Variants in ADGRA3 observed in about 807,000 individuals in gnomAD.
ADGRA3 encodes G-protein coupled receptor 125.
In ADGRA3, 56 loss-of-function variants were observed where a neutral mutation model predicts 119.8. That is an observed-to-expected ratio of 0.47 (90% CI 0.38 to 0.58). The LOEUF is 0.58. Among genes scored for constraint, ADGRA3 ranks in the 20% least tolerant of loss-of-function variants. The pLI, the probability that ADGRA3 is intolerant of heterozygous loss-of-function variation, is 0.00. For synonymous variants in ADGRA3, 607 were observed against 623.8 expected, an observed-to-expected ratio of 0.97 and a Z score of 0.40; for missense variants, 1,516 against 1,649.0, an observed-to-expected ratio of 0.92 and a Z score of 1.40.
intron 10 of ADGRA3, among the ~76,000 whole-genome samples, chr4:22,430,789 G>A (rs188585332): frequency 6.8e-4 from 66 of 96,870 alleles, no homozygotes; most frequent in African/African-American, 2.0e-3. Flanking sequence ...GGTCTTCACC[G>A]CAGCCCCTCC....
chr4:22,436,751 C>T, intron 8 of ADGRA3, 110 bp from the exon 9 acceptor site: 2 of 881,292 alleles, frequency 2.3e-6, no homozygotes, highest in Non-Finnish European at 3.6e-6. Context: ...GTCAATACAA[C>T]CCTGACACGG....
intron 1 of ADGRA3, among the ~76,000 whole-genome samples, chr4:22,498,716 C>G (rs1406247212): frequency 6.6e-6 from 1 of 152,004 alleles, no homozygotes; most frequent in Non-Finnish European, 1.5e-5. Context: ...GAGTTTGAGA[C>G]CAGCCTGACC....
At chr4:22,511,963 C>T (rs1414288012) in intron 1 of ADGRA3, among the ~76,000 whole-genome samples, 2 of 143,196 alleles carry the variant, frequency 1.4e-5, no homozygotes, top group Non-Finnish European at 3.0e-5. Flanking sequence ...GTGGCACGAT[C>T]TTCACTCACT....
At chr4:22,434,044 C>T (rs1380505584) in intron 10 of ADGRA3, among the ~76,000 whole-genome samples, 4 of 151,666 alleles carry the variant, frequency 2.6e-5, no homozygotes, top group Admixed American at 6.6e-5. Flanking sequence ...TAACTACATC[C>T]TATCAAGTAA....
chr4:22,474,363 T>G (rs1717962233), intron 1 of ADGRA3, among the ~76,000 whole-genome samples: 1 of 152,196 alleles, frequency 6.6e-6, no homozygotes, highest in African/African-American at 2.4e-5. Flanking sequence ...GCTTTTCACA[T>G]GCACTCACAG....
In ADGRA3 at chr4:22,387,755, T is replaced by C. The variant is rs568318170; in HGVS notation, c.3916A>G (p.Ser1306Gly). The C allele has an allele frequency of 5.6e-6, 9 of 1,613,958 alleles. No individual in the cohort carries two copies. Among genetic ancestry groups the C allele is most frequent in the East Asian group, 2.2e-5 (1 of 44,876 alleles). ...AATCCAGTCCTAACATTGCCAGTGC[T>C]ATCGGTACCGAGCAAGGGTCCCTCC... ...GQEGPLLGTD[S>G]TGNVRTGLWK... Residue 1306 changes from serine (S) to glycine (G), a missense_variant, in exon 19 of 19, where the codon AGC becomes GGC. By Grantham distance (56) the Ser-to-Gly change is moderately conservative. Around this residue, in one of 2 missense-constraint regions of ADGRA3, gnomAD observed 1,088 missense variants for 1,107.1 expected, o/e 0.98. Coordinates refer to ENST00000334304, the MANE Select transcript of ADGRA3 (RefSeq NM_145290.4).
chr4:22,414,024 C>T, intron 12 of ADGRA3: 2 of 422,522 alleles, frequency 4.7e-6, no homozygotes, highest in East Asian at 3.8e-5. Context: ...AACAGAAATG[C>T]AAACTTTAAA....
intron 1 of ADGRA3, among the ~76,000 whole-genome samples, chr4:22,488,356 TA>T (rs5856699): frequency 0.43 from 62,280 of 146,160 alleles, 14,389 homozygotes; most frequent in East Asian, 0.6. Flanking sequence ...TATGAAGCTT[TA>T]AAAAAAAAAA....
chr4:22,476,366 C>G (rs1718045051), intron 1 of ADGRA3, among the ~76,000 whole-genome samples: 1 of 152,070 alleles, frequency 6.6e-6, no homozygotes, highest in South Asian at 2.1e-4. Context: ...TGATGTAAAA[C>G]AGACAAAAAT....
chr4:22,435,892 C>A (rs1716373143), intron 9 of ADGRA3, among the ~76,000 whole-genome samples: 1 of 152,094 alleles, frequency 6.6e-6, no homozygotes, highest in Admixed American at 6.6e-5. Flanking sequence ...CCATGCACTG[C>A]CAGTAATGTT....
intron 1 of ADGRA3, among the ~76,000 whole-genome samples, chr4:22,476,818 C>G (rs1718061591): frequency 1.6e-5 from 2 of 127,908 alleles, no homozygotes; most frequent in African/African-American, 5.7e-5. Flanking sequence ...AAGTGCCCAC[C>G]ACCATACCCA....
chr4:22,418,210 C>G (rs1428915179), intron 12 of ADGRA3, among the ~76,000 whole-genome samples: 1 of 152,198 alleles, frequency 6.6e-6, no homozygotes, highest in Non-Finnish European at 1.5e-5. Context: ...CTGTCACCAA[C>G]TGGTGACCAA....
chr4:22,479,466 T>TAAA (rs60684476), intron 1 of ADGRA3, among the ~76,000 whole-genome samples: 3 of 111,766 alleles, frequency 2.7e-5, no homozygotes, highest in African/African-American at 6.3e-5. Flanking sequence ...CTGTCTCAAA[T>TAAA]AAAAAAAAAA....
chr4:22,483,810 C>A (rs1056268743), intron 1 of ADGRA3, among the ~76,000 whole-genome samples: 2 of 152,144 alleles, frequency 1.3e-5, no homozygotes, highest in African/African-American at 4.8e-5. Context: ...TATGCTACGA[C>A]AGTCAGCATA....
chr4:22,453,012 G>C (rs1391331026), intron 4 of ADGRA3, among the ~76,000 whole-genome samples: 3 of 151,488 alleles, frequency 2.0e-5, no homozygotes, highest in African/African-American at 7.3e-5. Context: ...GCCTGGCCAA[G>C]ATGGCAAAAC....
Position 22,387,616 on chromosome 4 carries a change from T to C in ADGRA3, c.*89A>G. 1 of 1,264,548 alleles carries C rather than the reference T, an allele frequency of 7.9e-7. No homozygotes were observed. Among genetic ancestry groups the C allele is most frequent in the South Asian group, 1.8e-5 (1 of 56,486 alleles). 78.3% of individuals were successfully genotyped at this position (1,264,548 alleles called of 1,614,324 possible). ...TCCAAATTCTTTTGAATCCCTATGG[T>C]GGCTGTAAACAGTTTTTAAATGCTC... is the stretch of plus-strand genomic sequence containing the variant. On this transcript the variant is annotated 3_prime_UTR_variant, in exon 19 of 19. Transcript: ENST00000334304.
chr4:22,448,694 G>A (rs1456113840), intron 4 of ADGRA3, among the ~76,000 whole-genome samples: 1 of 152,118 alleles, frequency 6.6e-6, no homozygotes, highest in Non-Finnish European at 1.5e-5. Context: ...ATCACACAAT[G>A]GCCAACACTT....
chr4:22,448,003 T>G (rs1446733218), intron 4 of ADGRA3, among the ~76,000 whole-genome samples: 2 of 152,174 alleles, frequency 1.3e-5, no homozygotes, highest in East Asian at 3.9e-4. Flanking sequence ...GGGCTTAAAA[T>G]GAGAGACTGG....
rs774143861 is a variant in ADGRA3, at chr4:22,413,763, T to A, written c.1861A>T (p.Lys621Ter). 6.2e-7 allele frequency: 1 copy of A among 1,613,852 alleles called. No individual in the cohort carries two copies. The change falls in exon 13 of 19, where the codon AAG (lysine) becomes TAG (stop). Residue 621 changes from lysine (K) to a stop codon, truncating the protein, a stop_gained. Coordinates refer to ENST00000334304, the MANE Select transcript of ADGRA3 (RefSeq NM_145290.4). LOFTEE classifies it high-confidence loss of function. ...IQLPPSLFSP[K>*]QKRELRPTDD... ...GTTGGTCTGAGTTCTCTTTTTTGCT[T>A]TGGTGAGAAAAGGGAAGGAGGAAGC...
Sources: gnomAD v4.1 joint callset for allele counts (sites outside exome capture counted in the v4.1 genomes callset) on GRCh38, gnomAD v4.1.1 for gene constraint, gnomAD v4.1.1 regional missense constraint, MANE v1.5 for transcripts, NCBI Gene and HGNC (gene_info 2026-07-23, HGNC 2026-07-21) for gene names.